Variants in KCNIP4 observed in about 807,000 individuals in gnomAD.
The protein encoded by KCNIP4 is Kv channel-interacting protein 4.
KCNIP4 carries 12 observed loss-of-function variants against 34.0 expected under a neutral mutation model. That is an observed-to-expected ratio of 0.35 (90% CI 0.23 to 0.57). The LOEUF (loss-of-function observed/expected upper bound fraction) is 0.57, where lower values mean the gene tolerates loss of function less well. Ranked by LOEUF, KCNIP4 falls within the 20% of genes least tolerant of loss-of-function variation. The pLI is 0.83. For synonymous variants in KCNIP4, 124 were observed against 102.2 expected, an observed-to-expected ratio of 1.21 and a Z score of -1.29; for missense variants, 238 against 311.7, an observed-to-expected ratio of 0.76 and a Z score of 1.78.
At chr4:21,653,614 T>C (rs925865943) in intron 1 of KCNIP4, among the ~76,000 whole-genome samples, 1 of 152,256 alleles carries the variant, frequency 6.6e-6, no homozygotes, top group Non-Finnish European at 1.5e-5. Context: ...TAGAGCCTTA[T>C]GAATTTTAGA....
At chr4:20,881,080 T>C (rs1430842536) in intron 2 of KCNIP4, among the ~76,000 whole-genome samples, 1 of 152,224 alleles carries the variant, frequency 6.6e-6, no homozygotes, top group Non-Finnish European at 1.5e-5. Flanking sequence ...TGGTTTTTAA[T>C]CTGTTTTAGT....
At chr4:21,931,724 T>A (rs549607315) in intron 1 of KCNIP4, among the ~76,000 whole-genome samples, 13 of 152,132 alleles carry the variant, frequency 8.5e-5, no homozygotes, top group Non-Finnish European at 1.6e-4. Flanking sequence ...TCGTGAATAG[T>A]GCCGCAATAA....
chr4:20,955,818 T>G (rs1156309896), intron 1 of KCNIP4, among the ~76,000 whole-genome samples: 5 of 152,246 alleles, frequency 3.3e-5, no homozygotes, highest in Non-Finnish European at 5.9e-5. Flanking sequence ...ATCTATGGGA[T>G]GGCATTCAGT....
Position 21,130,526 on chromosome 4 carries a change from T to G in KCNIP4, c.62-247817A>C, listed in dbSNP as rs190512618. On this transcript the variant is annotated intron_variant, in intron 1 of 8. Coordinates refer to ENST00000382152, the MANE Select transcript of KCNIP4 (RefSeq NM_025221.6). ...CATGCTAATCCACAATAGATTTCACTAAACTAAATTCCTTGAACATGAAGA... is the reference window on the plus strand; with the variant it reads ...CATGCTAATCCACAATAGATTTCACGAAACTAAATTCCTTGAACATGAAGA... 7.2e-5 allele frequency among the ~76,000 whole-genome samples: 11 copies of G among 152,340 alleles called. No individual in the cohort carries two copies. In the East Asian group the frequency reaches 2.1e-3, roughly 29 times the overall value.
At chr4:21,585,819 A>G (rs1443249962) in intron 1 of KCNIP4, among the ~76,000 whole-genome samples, 1 of 152,058 alleles carries the variant, frequency 6.6e-6, no homozygotes, top group Non-Finnish European at 1.5e-5. Context: ...CCTTGAGATA[A>G]TGGAACAGAG....
intron 1 of KCNIP4, among the ~76,000 whole-genome samples, chr4:20,884,580 A>G (rs562822963): frequency 6.6e-6 from 1 of 151,888 alleles, no homozygotes; most frequent in East Asian, 2.0e-4. Context: ...GTCTTACTTT[A>G]GCTCCCTACA....
chr4:21,281,203 C>T (rs903788567), intron 1 of KCNIP4, among the ~76,000 whole-genome samples: 4 of 151,424 alleles, frequency 2.6e-5, no homozygotes, highest in East Asian at 1.9e-4. Flanking sequence ...TCTCCTTCCT[C>T]AGCCTCCCAA....
chr4:21,594,391 G>T (rs1560544943), intron 1 of KCNIP4, among the ~76,000 whole-genome samples: 2 of 152,090 alleles, frequency 1.3e-5, no homozygotes, highest in African/African-American at 4.8e-5. Context: ...ATGACCAAAG[G>T]TTTTGGGCTG....
At chr4:21,549,588 C>T (rs1294891191) in intron 1 of KCNIP4, among the ~76,000 whole-genome samples, 2 of 151,986 alleles carry the variant, frequency 1.3e-5, no homozygotes, top group African/African-American at 4.8e-5. Context: ...ATACAGCCTG[C>T]AGAACTGTGA....
chr4:21,694,167 T>C (rs1711999606), intron 1 of KCNIP4, among the ~76,000 whole-genome samples: 1 of 152,172 alleles, frequency 6.6e-6, no homozygotes, highest in African/African-American at 2.4e-5. Context: ...ATTCATATGA[T>C]AGGGTGTTGT....
intron 1 of KCNIP4, among the ~76,000 whole-genome samples, chr4:21,634,911 C>T (rs1746022654): frequency 1.3e-5 from 2 of 152,162 alleles, no homozygotes; most frequent in South Asian, 4.1e-4. Flanking sequence ...ATAAGAATAG[C>T]AACTGATGCA....
chr4:21,686,887 T>C (rs374873857), intron 1 of KCNIP4, among the ~76,000 whole-genome samples: 3,002 of 150,730 alleles, frequency 0.02, 41 homozygotes, highest in Middle Eastern at 0.045. Flanking sequence ...TATTGCGGCA[T>C]TATTCACAAT....
rs577858921 is a variant in KCNIP4 at position 21,531,194 on chromosome 4, AC to A, written c.61+417376del. On this transcript the variant is annotated intron_variant, in intron 1 of 8. Transcript: ENST00000382152. ...TGCAATTCTAGGCTTCCAAGTGAAA[AC>A]CAACCTGCTTATCTTGCCTCATCTA... Among the ~76,000 whole-genome samples the A allele has an allele frequency of 2.0e-5, 3 of 152,230 alleles. No homozygotes were observed. In the South Asian group the frequency reaches 6.2e-4, roughly 32 times the overall value.
Position 20,970,230 on chromosome 4 carries a change from C to G in KCNIP4, c.62-87521G>C, listed in dbSNP as rs562715425. On this transcript the variant is annotated intron_variant, in intron 1 of 8. Coordinates refer to ENST00000382152, the MANE Select transcript of KCNIP4 (RefSeq NM_025221.6). The stretch of plus-strand genomic sequence containing the variant: ...TGCTGGGATTACAGGTGTGAGCCAC[C>G]GCGCCCGGCCAGCGGTTATTCTTAG... Among the ~76,000 whole-genome samples, 15 of 152,226 alleles carry G rather than the reference C, an allele frequency of 9.9e-5. No homozygotes were observed. In the East Asian group the frequency reaches 2.9e-3, roughly 29 times the overall value.
At chr4:20,970,300 A>G (rs1734805280) in intron 1 of KCNIP4, among the ~76,000 whole-genome samples, 1 of 152,046 alleles carries the variant, frequency 6.6e-6, no homozygotes, top group African/African-American at 2.4e-5. Flanking sequence ...TTTCTTTTCT[A>G]TTTATACATT....
chr4:21,757,232 AAAGAAAGAAAG>A (rs1302505614), intron 1 of KCNIP4, among the ~76,000 whole-genome samples: 39 of 25,528 alleles, frequency 1.5e-3, no homozygotes, highest in East Asian at 6.1e-3. Context: ...AGAAAGAAAG[AAAGAAAGAAAG>A]AAAGAAAAGA....
rs778736831 is a variant in KCNIP4, at chr4:21,797,144, T to TC, written c.61+151426dup. On this transcript the variant is annotated intron_variant, in intron 1 of 8. Coordinates refer to ENST00000382152, the MANE Select transcript of KCNIP4 (RefSeq NM_025221.6). ...ATCTATGCCTGTCTGCCTCATTAAT[T>TC]CTATTTATTTATTTATTTATTTTTA... 6.7e-4 allele frequency among the ~76,000 whole-genome samples: 102 copies of TC among 152,268 alleles called. 1 individual carries two copies. The highest frequency in any genetic ancestry group is 1.2e-3 in the Non-Finnish European group (83 of 68,026).
intron 1 of KCNIP4, among the ~76,000 whole-genome samples, chr4:21,380,111 A>G (rs183987649): frequency 1.1e-3 from 174 of 152,204 alleles, no homozygotes; most frequent in African/African-American, 3.9e-3. Context: ...ATTGAGGGCT[A>G]TTATTTTCCC....
Position 21,636,377 on chromosome 4 carries a change from C to T in KCNIP4, c.61+312194G>A, listed in dbSNP as rs140074138. Among the ~76,000 whole-genome samples, 50 of 151,186 alleles carry T rather than the reference C, an allele frequency of 3.3e-4. No individual in the cohort carries two copies. In the East Asian group the frequency reaches 7.4e-3, roughly 22 times the overall value. On this transcript the variant is annotated intron_variant, in intron 1 of 8. Transcript: ENST00000382152. ...CCCTGACAGAACTACTGCCAAGAAA[C>T]GGAAAAGTAATGTTTTCCTAAAACT...
Sources: gnomAD v4.1 joint callset for allele counts (sites outside exome capture counted in the v4.1 genomes callset) on GRCh38, gnomAD v4.1.1 for gene constraint, MANE v1.5 for transcripts, NCBI Gene and HGNC (gene_info 2026-07-23, HGNC 2026-07-21) for gene names.